GRM3: variants seen among roughly 807,000 people sequenced by gnomAD.
The protein encoded by GRM3 is metabotropic glutamate receptor 3.
A neutral mutation model predicts 70.5 loss-of-function variants in GRM3; 26 were observed. The ratio of observed to expected loss-of-function variants is 0.37; its 90% confidence interval spans 0.27 to 0.51. GRM3 has a LOEUF of 0.51. GRM3 is among the 20% of genes least tolerant of loss of function. The probability of loss-of-function intolerance (pLI) is 0.93; values close to 1 mark genes in which losing one functional copy is unlikely to be tolerated. For synonymous variants in GRM3, 443 were observed against 434.9 expected (o/e 1.02, Z -0.23); for missense variants, 859 against 1,123.8 (o/e 0.76, Z 3.37).
At chr7:86,774,199 T>C (rs976613840) in intron 2 of GRM3, among the ~76,000 whole-genome samples, 10 of 152,146 alleles carry the variant, frequency 6.6e-5, no homozygotes, top group Admixed American at 2.6e-4. Context: ...ATTTCAGTAT[T>C]TCAATATGGA....
chr7:86,778,299 T>A (rs1796948748), intron 2 of GRM3, among the ~76,000 whole-genome samples: 1 of 152,216 alleles, frequency 6.6e-6, no homozygotes, highest in Admixed American at 6.5e-5. Flanking sequence ...AAACTATTTA[T>A]TATTGTTCCC....
intron 1 of GRM3, among the ~76,000 whole-genome samples, chr7:86,649,305 C>G (rs778577315): frequency 4.3e-4 from 65 of 152,258 alleles, no homozygotes; most frequent in Middle Eastern, 6.8e-3. Context: ...TAGCTTCTCT[C>G]TGGAACAGCA....
intron 1 of GRM3, among the ~76,000 whole-genome samples, chr7:86,664,221 C>T (rs149899610): frequency 6.6e-6 from 1 of 151,676 alleles, no homozygotes; most frequent in African/African-American, 2.4e-5. Context: ...AACAGGTAGA[C>T]CAGTTATGGG....
intron 5 of GRM3, among the ~76,000 whole-genome samples, chr7:86,861,621 A>T (rs966172246): frequency 1.3e-5 from 2 of 152,188 alleles, no homozygotes; most frequent in African/African-American, 4.8e-5. Context: ...ACATTCCTAG[A>T]GAGGCAAAGG....
intron 1 of GRM3, among the ~76,000 whole-genome samples, chr7:86,652,769 A>G (rs1316715240): frequency 1.3e-5 from 2 of 152,220 alleles, no homozygotes; most frequent in South Asian, 2.1e-4. Context: ...AACAACAACA[A>G]CAAAAATCAT....
intron 1 of GRM3, among the ~76,000 whole-genome samples, chr7:86,671,297 A>G (rs760727222): frequency 8.5e-5 from 13 of 152,194 alleles, no homozygotes; most frequent in Non-Finnish European, 1.2e-4. Flanking sequence ...GTGTATGGTA[A>G]TTATGTAATC....
At chr7:86,841,409 G>A (rs1312276413) in intron 4 of GRM3, among the ~76,000 whole-genome samples, 1 of 152,152 alleles carries the variant, frequency 6.6e-6, no homozygotes, top group African/African-American at 2.4e-5. Flanking sequence ...GTCAAAGAGT[G>A]GAGTATATGA....
intron 1 of GRM3, among the ~76,000 whole-genome samples, chr7:86,746,354 T>TATATATATATATATATAG (rs1231915595): frequency 7.2e-6 from 1 of 139,120 alleles, no homozygotes; most frequent in African/African-American, 2.7e-5. Context: ...TATATATATA[T>TATATATATATATATATAG]ATATATATAT....
intron 1 of GRM3, among the ~76,000 whole-genome samples, chr7:86,677,621 TTA>T (rs1794339231): frequency 7.2e-5 from 11 of 152,170 alleles, no homozygotes; most frequent in African/African-American, 2.6e-4. Flanking sequence ...CTAAAACTTA[TTA>T]GTTTCAATTT....
intron 3 of GRM3, among the ~76,000 whole-genome samples, chr7:86,827,985 A>G (rs913516721): frequency 8.6e-5 from 13 of 151,866 alleles, no homozygotes; most frequent in African/African-American, 1.7e-4. Context: ...GGTGGCAGGC[A>G]CCTGTAGTCC....
chr7:86,823,390 C>T (rs1428171008), intron 3 of GRM3, among the ~76,000 whole-genome samples: 1 of 151,752 alleles, frequency 6.6e-6, no homozygotes, highest in African/African-American at 2.4e-5. Context: ...TTTGTTGAGT[C>T]CCAGTATATA....
chr7:86,805,385 A>G (rs2116637447), intron 3 of GRM3, among the ~76,000 whole-genome samples: 1 of 152,284 alleles, frequency 6.6e-6, no homozygotes, highest in Admixed American at 6.5e-5. Context: ...TCCCACCATT[A>G]ACATCCCAAT....
At chr7:86,705,047 A>AT (rs755428922) in intron 1 of GRM3, among the ~76,000 whole-genome samples, 4 of 151,878 alleles carry the variant, frequency 2.6e-5, no homozygotes. Context: ...TTTATATAGC[A>AT]TTTTTTTGAA....
intron 1 of GRM3, among the ~76,000 whole-genome samples, chr7:86,674,510 A>G (rs780333752): frequency 1.4e-4 from 21 of 152,150 alleles, no homozygotes; most frequent in Admixed American, 1.3e-4. Context: ...CTTCTAAGAG[A>G]AGGAGCATCA....
intron 1 of GRM3, among the ~76,000 whole-genome samples, chr7:86,657,123 TA>T (rs1238091895): frequency 1.3e-5 from 2 of 152,170 alleles, no homozygotes; most frequent in Non-Finnish European, 2.9e-5. Flanking sequence ...TAACTTTATA[TA>T]AAAGTTTAAA....
At chr7:86,706,204 G>C (rs933566832) in intron 1 of GRM3, among the ~76,000 whole-genome samples, 30 of 152,156 alleles carry the variant, frequency 2.0e-4, no homozygotes, top group African/African-American at 7.2e-4. Context: ...CTTTAGCCCT[G>C]AAGGTCAAGG....
intron 2 of GRM3, among the ~76,000 whole-genome samples, chr7:86,779,481 G>T (rs1179853770): frequency 1.3e-5 from 2 of 152,134 alleles, no homozygotes; most frequent in Non-Finnish European, 2.9e-5. Flanking sequence ...TGGTAGAGCA[G>T]CAAAATATCA....
chr7:86,659,620 A>G (rs1015776961), intron 1 of GRM3, among the ~76,000 whole-genome samples: 1 of 152,110 alleles, frequency 6.6e-6, no homozygotes, highest in Non-Finnish European at 1.5e-5. Flanking sequence ...GAAAATGAGA[A>G]ACATGTTAAT....
At chr7:86,674,856 T>G (rs1046896703) in intron 1 of GRM3, among the ~76,000 whole-genome samples, 1 of 152,120 alleles carries the variant, frequency 6.6e-6, no homozygotes, top group Admixed American at 6.6e-5. Flanking sequence ...GCATAGAATT[T>G]CTTGCCCTCT....
Sources: gnomAD v4.1 joint callset for allele counts (sites outside exome capture counted in the v4.1 genomes callset) on GRCh38, gnomAD v4.1.1 for gene constraint, MANE v1.5 for transcripts, NCBI Gene and HGNC (gene_info 2026-07-23, HGNC 2026-07-21) for gene names.